Variants in ARMC8 observed in about 807,000 individuals in gnomAD.
ARMC8 encodes the protein armadillo repeat containing 8.
Under a neutral mutation model 99.3 loss-of-function variants are expected in ARMC8, and 20 were observed. The ratio of observed to expected loss-of-function variants is 0.20; its 90% CI spans 0.14 to 0.29. The LOEUF is 0.29. Ranked by LOEUF, ARMC8 falls within the 10% of genes least tolerant of loss-of-function variation. ARMC8 has a pLI of 1.00. For synonymous variants in ARMC8, 263 were observed against 278.3 expected, an observed-to-expected ratio of 0.95 and a Z score of 0.55; for missense variants, 569 against 809.5, an observed-to-expected ratio of 0.70 and a Z score of 3.60.
intron 12 of ARMC8, among the ~76,000 whole-genome samples, chr3:138,258,227 T>C (rs1402195221): frequency 6.6e-6 from 1 of 152,166 alleles, no homozygotes; most frequent in Non-Finnish European, 1.5e-5. Context: ...ATCTACCTGG[T>C]TTCAGTTTCC....
At chr3:138,197,236 T>C (rs1210910252) in intron 1 of ARMC8, among the ~76,000 whole-genome samples, 1 of 152,186 alleles carries the variant, frequency 6.6e-6, no homozygotes, top group Non-Finnish European at 1.5e-5. Flanking sequence ...TGAGTGGTAC[T>C]GTAATAGGAA....
chr3:138,233,677 C>T (rs1335860221), intron 6 of ARMC8, among the ~76,000 whole-genome samples: 2 of 152,318 alleles, frequency 1.3e-5, no homozygotes, highest in South Asian at 2.1e-4. Context: ...AATTTCCCCA[C>T]TTCAAATGAT....
intron 6 of ARMC8, 105 bp downstream of exon 6, chr3:138,229,115 T>C (rs2045846193): frequency 3.1e-6 from 1 of 327,368 alleles, no homozygotes; most frequent in Non-Finnish European, 5.9e-6. Context: ...CATATATAAG[T>C]AGACCTGTGT....
intron 5 of ARMC8, among the ~76,000 whole-genome samples, chr3:138,225,799 T>C (rs1049808433): frequency 6.6e-6 from 1 of 152,194 alleles, no homozygotes; most frequent in African/African-American, 2.4e-5. Flanking sequence ...TTTATAAATA[T>C]TTCAAGACTG....
At chr3:138,269,779 G>A (rs1197837959) in intron 15 of ARMC8, among the ~76,000 whole-genome samples, 1 of 151,036 alleles carries the variant, frequency 6.6e-6, no homozygotes, top group Non-Finnish European at 1.5e-5. Context: ...GGACTACAAG[G>A]ATAAAAGGAA....
chr3:138,246,139 T>C (rs1448138876), intron 12 of ARMC8: 1 of 985,436 alleles, frequency 1.0e-6, no homozygotes, highest in Non-Finnish European at 1.2e-6. Flanking sequence ...TGGAACAACC[T>C]TACATTTGTT....
intron 12 of ARMC8, among the ~76,000 whole-genome samples, chr3:138,256,447 T>G (rs1015797511): frequency 6.7e-6 from 1 of 149,202 alleles, no homozygotes; most frequent in Non-Finnish European, 1.5e-5. Flanking sequence ...TCTCGCTCTT[T>G]TCGCCCAGGC....
At chr3:138,192,990 A>G (rs1462579939) in intron 1 of ARMC8, among the ~76,000 whole-genome samples, 1 of 151,852 alleles carries the variant, frequency 6.6e-6, no homozygotes. Flanking sequence ...TATTTTTGAT[A>G]TGTGTTTCGC....
chr3:138,239,599 A>G (rs1312864115), intron 10 of ARMC8, 71 bp downstream of exon 10: 1 of 918,184 alleles, frequency 1.1e-6, no homozygotes, highest in Non-Finnish European at 1.7e-6. Context: ...ATTGATACTC[A>G]TATTTCATTT....
chr3:138,237,287 G>A (rs759398204), intron 7 of ARMC8, 22 bp from the exon 8 acceptor site: 3 of 1,602,678 alleles, frequency 1.9e-6, no homozygotes, highest in African/African-American at 1.3e-5. Flanking sequence ...CACATTTTTT[G>A]TTTGTTCATT....
At chr3:138,272,659 G>T (rs189760781) in intron 16 of ARMC8, among the ~76,000 whole-genome samples, 2 of 152,288 alleles carry the variant, frequency 1.3e-5, no homozygotes, top group South Asian at 4.1e-4. Flanking sequence ...AGTGGATCAC[G>T]AGGTCAGGAG....
At chr3:138,274,605 A>T in intron 18 of ARMC8, 61 bp downstream of exon 18, 1 of 1,250,270 alleles carries the variant, frequency 8.0e-7, no homozygotes, top group Non-Finnish European at 1.2e-6. Flanking sequence ...GAAGTTCTTA[A>T]GAGTCTCCTG....
chr3:138,198,513 TA>T (rs1241604450), intron 1 of ARMC8, among the ~76,000 whole-genome samples: 13 of 150,476 alleles, frequency 8.6e-5, no homozygotes, highest in African/African-American at 3.2e-4. Flanking sequence ...TTATTATTAT[TA>T]TTATTATTAT....
intron 12 of ARMC8, among the ~76,000 whole-genome samples, chr3:138,258,079 T>C (rs2047494594): frequency 6.6e-6 from 1 of 152,186 alleles, no homozygotes; most frequent in Admixed American, 6.5e-5. Context: ...TGGAATTAAA[T>C]TGTATTTGCT....
intron 2 of ARMC8, among the ~76,000 whole-genome samples, chr3:138,211,639 T>G (rs1396355965): frequency 6.6e-6 from 1 of 152,104 alleles, no homozygotes; most frequent in Non-Finnish European, 1.5e-5. Flanking sequence ...AATGGTAGAG[T>G]AGAAGGAGCG....
chr3:138,198,493 TTTATTATTATTATTA>T (rs139933871), intron 1 of ARMC8, among the ~76,000 whole-genome samples: 5 of 146,462 alleles, frequency 3.4e-5, no homozygotes, highest in South Asian at 2.1e-4. Flanking sequence ...TTGTATATTC[TTTATTATTATTATTA>T]TTATTATTAT....
At chr3:138,199,674 G>C (rs1334482947) in intron 1 of ARMC8, among the ~76,000 whole-genome samples, 1 of 152,204 alleles carries the variant, frequency 6.6e-6, no homozygotes, top group East Asian at 1.9e-4. Flanking sequence ...CAACCAGAAC[G>C]AAGGGGAAGA....
At chr3:138,205,215 C>T (rs189263707) in intron 1 of ARMC8, among the ~76,000 whole-genome samples, 25 of 151,674 alleles carry the variant, frequency 1.6e-4, no homozygotes, top group Admixed American at 8.5e-4. Context: ...ACTAAAGGTG[C>T]GCGCCACCAT....
At chr3:138,259,266 G>A (rs1348519557) in intron 12 of ARMC8, among the ~76,000 whole-genome samples, 2 of 152,190 alleles carry the variant, frequency 1.3e-5, no homozygotes, top group Admixed American at 6.5e-5. Flanking sequence ...TGTGGCAGCA[G>A]CCACTACCAG....
Sources: gnomAD v4.1 joint callset for allele counts (sites outside exome capture counted in the v4.1 genomes callset) on GRCh38, gnomAD v4.1.1 for gene constraint, MANE v1.5 for transcripts, NCBI Gene and HGNC (gene_info 2026-07-23, HGNC 2026-07-21) for gene names.